The following RNF19B variants were observed in gnomAD, a reference collection of about 807,000 sequenced individuals.
The protein encoded by RNF19B is ring finger protein 19B, also known as E3 ubiquitin-protein ligase RNF19B.
RNF19B carries 23 observed loss-of-function variants against 65.5 expected under a neutral mutation model. That is an observed-to-expected ratio of 0.35 (90% CI 0.25 to 0.50). The LOEUF (loss-of-function observed/expected upper bound fraction) is 0.50. Among genes scored for constraint, RNF19B ranks in the 20% least tolerant of loss-of-function variants. The pLI is 0.98. For synonymous variants in RNF19B, 372 were observed against 379.6 expected, an observed-to-expected ratio of 0.98 and a Z score of 0.23; for missense variants, 794 against 980.0, an observed-to-expected ratio of 0.81 and a Z score of 2.53.
intron 1 of RNF19B, among the ~76,000 whole-genome samples, chr1:32,954,608 G>A (rs1297905722): frequency 1.3e-5 from 2 of 151,602 alleles, no homozygotes; most frequent in African/African-American, 2.4e-5. Context: ...GCATGGTGGC[G>A]CATGCCTGTA....
At chr1:32,945,481 G>T in intron 5 of RNF19B, 33 bp downstream of exon 5, 1 of 1,359,762 alleles carries the variant, frequency 7.4e-7, no homozygotes, top group Non-Finnish European at 1.1e-6. Context: ...TCAGAAAGCT[G>T]AGAGAGAAGA....
chr1:32,959,522 T>C, intron 1 of RNF19B, among the ~76,000 whole-genome samples: 1 of 152,160 alleles, frequency 6.6e-6, no homozygotes, highest in East Asian at 1.9e-4. Flanking sequence ...AATGAAACAC[T>C]AGGCCCCATG....
Position 32,942,463 on chromosome 1 carries a change from G to C in RNF19B, c.1403-4C>G. On this transcript the variant is annotated splice_polypyrimidine_tract_variant and splice_region_variant and intron_variant, in intron 6 of 8. Transcript: ENST00000235150. ...AGGGCTCTCCAGGCATCTGCCACTG[G>C]GGATAGAACCAAACATCCAATTCAA... 2 of 1,612,186 alleles carry C rather than the reference G, an allele frequency of 1.2e-6. No individual in the cohort carries two copies. Among genetic ancestry groups the C allele is most frequent in the East Asian group, 2.2e-5 (1 of 44,824 alleles).
intron 1 of RNF19B, among the ~76,000 whole-genome samples, chr1:32,953,983 A>C (rs547539237): frequency 0.017 from 2,186 of 128,948 alleles, 38 homozygotes; most frequent in Admixed American, 0.025. Flanking sequence ...CTCTCGGCTT[A>C]CTGCAACCTC....
chr1:32,931,823 G>A (rs1642032404), downstream of RNF19B, among the ~76,000 whole-genome samples: 1 of 152,200 alleles, frequency 6.6e-6, no homozygotes, highest in Non-Finnish European at 1.5e-5. Flanking sequence ...TATCATGGCA[G>A]CCCTTTGAGG....
chr1:32,943,602 A>G (rs1207009223), intron 6 of RNF19B, among the ~76,000 whole-genome samples: 1 of 150,462 alleles, frequency 6.6e-6, no homozygotes, highest in Non-Finnish European at 1.5e-5. Context: ...GGTGACAGAG[A>G]CTCCGTCTCA....
At chr1:32,934,466 G>C (rs976596572), downstream of RNF19B, among the ~76,000 whole-genome samples, 1 of 152,068 alleles carries the variant, frequency 6.6e-6, no homozygotes, top group African/African-American at 2.4e-5. Context: ...GGAATCACTT[G>C]AGTCAGGAGT....
intron 1 of RNF19B, among the ~76,000 whole-genome samples, chr1:32,957,902 T>TA (rs1311483569): frequency 6.6e-6 from 1 of 152,228 alleles, no homozygotes; most frequent in African/African-American, 2.4e-5. Context: ...CTTTCATCTC[T>TA]ATTCTTCCTC....
At chr1:32,959,736 T>C (rs1642724727) in intron 1 of RNF19B, among the ~76,000 whole-genome samples, 1 of 152,130 alleles carries the variant, frequency 6.6e-6, no homozygotes. Context: ...TTGTTCTTAG[T>C]ATATTAAATA....
At chr1:32,940,743 T>C (rs1642212835) in intron 7 of RNF19B, among the ~76,000 whole-genome samples, 1 of 152,192 alleles carries the variant, frequency 6.6e-6, no homozygotes, top group African/African-American at 2.4e-5. Flanking sequence ...TCCGTTGCAT[T>C]CAACTGCTTC....
chr1:32,964,353 G>A lies in RNF19B; in HGVS notation c.333C>T (p.Gly111=), dbSNP rs758689346. 4.9e-6 allele frequency: 7 copies of A among 1,417,766 alleles called. No individual in the cohort carries two copies. The South Asian group carries it at 1.0e-4, about 20-fold the overall frequency. The allele number at this position is 1,417,766 out of a possible 1,614,324, so 87.8% of individuals were successfully genotyped here. ...GACACTCCACCTCCTCCGCGCCCGGGCCACCGCCCTCCGCCGCCTCCTCAT... is the reference window on the plus strand; with the variant it reads ...GACACTCCACCTCCTCCGCGCCCGGACCACCGCCCTCCGCCGCCTCCTCAT... ...FDDEEAAEGG[G]PGAEEVECPL... The change falls in exon 1 of 9, where the codon GGC becomes GGT. Residue 111 remains glycine, a synonymous_variant. Coordinates refer to ENST00000235150, the MANE Select transcript of RNF19B (RefSeq NM_001300826.2). The surrounding 1 kb of genome is among the most constrained non-coding windows in gnomAD (Gnocchi z 6.5).
At chr1:32,959,881 CAAAA>C (rs35488614) in intron 1 of RNF19B, among the ~76,000 whole-genome samples, 1 of 93,164 alleles carries the variant, frequency 1.1e-5, no homozygotes, top group African/African-American at 3.9e-5. Flanking sequence ...ACTAAAAATA[CAAAA>C]AAAAAAAAAA....
chr1:32,936,072 C>G (rs1405360984), downstream of RNF19B, among the ~76,000 whole-genome samples: 4 of 152,098 alleles, frequency 2.6e-5, no homozygotes, highest in Non-Finnish European at 4.4e-5. Flanking sequence ...TTAAGAGCTA[C>G]CTGGGACTGC....
the RNF19B span, among the ~76,000 whole-genome samples, chr1:32,930,337 TG>T: frequency 2.0e-5 from 3 of 151,870 alleles, no homozygotes; most frequent in Non-Finnish European, 4.4e-5. Context: ...CTGGAACTCC[TG>T]GCCTCAAGTG....
rs944013614 is a variant in RNF19B at position 32,936,714 on chromosome 1, C to T, written c.*92G>A. On this transcript the variant is annotated 3_prime_UTR_variant, in exon 9 of 9. Coordinates refer to ENST00000235150, the MANE Select transcript of RNF19B (RefSeq NM_001300826.2). ...ACCAGAGAATCTGTGAAATAAAATA[C>T]ATAAATCTCTACCCCTTGGAAAAAA... 2.5e-6 allele frequency: 3 copies of T among 1,215,596 alleles called. No individual in the cohort carries two copies. The African/African-American group carries it at 4.8e-5, about 19-fold the overall frequency. 75.3% of individuals were successfully genotyped at this position (1,215,596 alleles called of 1,614,324 possible).
chr1:32,944,741 T>G (rs1440096934), intron 5 of RNF19B, among the ~76,000 whole-genome samples: 1 of 151,536 alleles, frequency 6.6e-6, no homozygotes, highest in Non-Finnish European at 1.5e-5. Context: ...CAGGCTGGAG[T>G]GCAGTGGCAC....
chr1:32,945,562 C>T lies in RNF19B; in HGVS notation c.1213G>A (p.Val405Met). 6.2e-7 allele frequency: 1 copy of T among 1,613,990 alleles called. No homozygotes were observed. The highest frequency in any genetic ancestry group is 1.1e-5 in the South Asian group (1 of 91,082). ...HKRNLAITGG[V>M]TLSVIASPVI... The stretch of plus-strand genomic sequence containing the variant: ...GGGGATGCAATGACCGACAAAGTCA[C>T]TCCTCCAGTGATAGCCAAATTCCTC... Residue 405 changes from valine to methionine, a missense_variant, in exon 5 of 9, where the codon GTG (valine) becomes ATG (methionine). This residue lies in a region of RNF19B where 368 missense variants were observed against 447.3 expected (regional missense o/e 0.82). Coordinates refer to ENST00000235150, the MANE Select transcript of RNF19B (RefSeq NM_001300826.2).
intron 1 of RNF19B, among the ~76,000 whole-genome samples, chr1:32,957,102 T>A (rs1642656495): frequency 6.6e-6 from 1 of 152,216 alleles, no homozygotes; most frequent in Non-Finnish European, 1.5e-5. Flanking sequence ...AAAAAAGTGC[T>A]TCAACCCAAA....
intron 1 of RNF19B, among the ~76,000 whole-genome samples, chr1:32,962,502 A>T (rs1642794401): frequency 6.6e-6 from 1 of 152,202 alleles, no homozygotes. Context: ...GTGAGGTTAA[A>T]TAGCACACCC....
Sources: allele counts gnomAD v4.1 joint callset (sites outside exome capture counted in the v4.1 genomes callset), GRCh38; gene constraint gnomAD v4.1.1; regional missense constraint gnomAD v4.1.1; non-coding constraint Gnocchi (gnomAD v3.1); transcripts MANE v1.5; gene names NCBI Gene and HGNC (gene_info 2026-07-23, HGNC 2026-07-21).